BAZ2B: variants seen among roughly 807,000 people sequenced by gnomAD.
BAZ2B encodes bromodomain adjacent to zinc finger domain 2B.
BAZ2B carries 91 observed loss-of-function variants against 246.0 expected under a neutral mutation model. The observed-to-expected ratio is 0.37, with a 90% CI of 0.31 to 0.44. BAZ2B has a LOEUF of 0.44. Among genes scored for constraint, BAZ2B ranks in the 20% least tolerant of loss-of-function variants. BAZ2B has a pLI of 1.00. For missense variants in BAZ2B, 2,332 were observed against 2,533.7 expected (o/e 0.92, Z 1.71); for synonymous variants, 855 against 860.0 (o/e 0.99, Z 0.10).
intron 2 of BAZ2B, among the ~76,000 whole-genome samples, chr2:159,533,087 G>A (rs950153885): frequency 6.6e-6 from 1 of 152,158 alleles, no homozygotes; most frequent in Non-Finnish European, 1.5e-5. Flanking sequence ...GACCTGATAG[G>A]GTGGTGGTGG....
chr2:159,637,047 G>T, the BAZ2B span, among the ~76,000 whole-genome samples: 140,500 of 152,162 alleles, frequency 0.92, 65,365 homozygotes, highest in East Asian at 1. Context: ...CAGCAATACC[G>T]GGGGAGTACA....
the BAZ2B span, among the ~76,000 whole-genome samples, chr2:159,679,287 A>C: frequency 1.4e-4 from 19 of 139,966 alleles, 1 homozygote; most frequent in East Asian, 2.1e-4. Context: ...AAAAAAAAAA[A>C]AAAAAAAGAT....
At chr2:159,539,957 T>C (rs1416825720) in intron 2 of BAZ2B, among the ~76,000 whole-genome samples, 1 of 152,140 alleles carries the variant, frequency 6.6e-6, no homozygotes, top group Non-Finnish European at 1.5e-5. Flanking sequence ...TCCCTGACTG[T>C]TATATGTATG....
chr2:159,460,508 T>C (rs1328083564), intron 3 of BAZ2B: 1 of 152,162 alleles, frequency 6.6e-6, no homozygotes, highest in Non-Finnish European at 1.5e-5. Context: ...ATATCATGTC[T>C]TCAAATTTTG....
the BAZ2B span, among the ~76,000 whole-genome samples, chr2:159,704,485 T>TC: frequency 1.4e-5 from 2 of 146,710 alleles, no homozygotes; most frequent in African/African-American, 5.0e-5. Context: ...TCTTTTTCTT[T>TC]TTTTTTTTTT....
At chr2:159,368,326 T>C (rs1559134115) in intron 27 of BAZ2B, among the ~76,000 whole-genome samples, 2 of 152,180 alleles carry the variant, frequency 1.3e-5, no homozygotes, top group Non-Finnish European at 2.9e-5. Context: ...GTGCTAGGAT[T>C]ACAGGCATGA....
At chr2:159,488,309 G>A (rs1349959384) in intron 2 of BAZ2B, among the ~76,000 whole-genome samples, 1 of 152,100 alleles carries the variant, frequency 6.6e-6, no homozygotes, top group Non-Finnish European at 1.5e-5. Context: ...CTGACCTTAA[G>A]TGATCCACCC....
intron 16 of BAZ2B, among the ~76,000 whole-genome samples, chr2:159,401,085 T>TC (rs2064985605): frequency 6.6e-6 from 1 of 151,878 alleles, no homozygotes; most frequent in Non-Finnish European, 1.5e-5. Context: ...AGGATGGACA[T>TC]AAAAATTTCA....
chr2:159,347,941 C>T (rs2058116048), intron 30 of BAZ2B, among the ~76,000 whole-genome samples: 1 of 152,178 alleles, frequency 6.6e-6, no homozygotes. Flanking sequence ...TATCATTTCT[C>T]TCTTGATATC....
At chr2:159,524,472 A>C (rs2084512630) in intron 2 of BAZ2B, among the ~76,000 whole-genome samples, 1 of 152,032 alleles carries the variant, frequency 6.6e-6, no homozygotes, top group Non-Finnish European at 1.5e-5. Context: ...AACAACAAAC[A>C]AACCCAGAAT....
intron 3 of BAZ2B, among the ~76,000 whole-genome samples, chr2:159,472,318 T>G (rs1443293111): frequency 6.6e-6 from 1 of 152,274 alleles, no homozygotes; most frequent in Non-Finnish European, 1.5e-5. Context: ...TCCTGAGACT[T>G]TGCTGAAGAT....
At chr2:159,505,373 G>A (rs2082223660) in intron 2 of BAZ2B, among the ~76,000 whole-genome samples, 1 of 152,110 alleles carries the variant, frequency 6.6e-6, no homozygotes, top group South Asian at 2.1e-4. Flanking sequence ...CTGTGACAAG[G>A]CCCATCTCCA....
chr2:159,571,139 CCA>C (rs1376175883), intron 1 of BAZ2B, among the ~76,000 whole-genome samples: 1 of 152,168 alleles, frequency 6.6e-6, no homozygotes, highest in Non-Finnish European at 1.5e-5. Context: ...TAGGCACGAG[CCA>C]CCACGCTCAG....
rs1351123031 is a variant in BAZ2B at position 159,600,100 on chromosome 2, A to G, written c.-46+16142T>C. Among the ~76,000 whole-genome samples, 4 of 152,164 alleles carry G rather than the reference A, an allele frequency of 2.6e-5. No individual in the cohort carries two copies. The East Asian group carries it at 7.7e-4, about 29-fold the overall frequency. ...TTAAATGTCCTAGCTCAGATTCCTT[A>G]GAAAAAGTTCAAAAGTTAATTTTGT... On this transcript the variant is annotated intron_variant, in intron 1 of 36. Coordinates refer to ENST00000392783, the MANE Select transcript of BAZ2B (RefSeq NM_013450.4).
the BAZ2B span, among the ~76,000 whole-genome samples, chr2:159,690,620 G>A: frequency 1.3e-4 from 20 of 152,152 alleles, no homozygotes; most frequent in South Asian, 8.3e-4. Flanking sequence ...GCAGAAGTCC[G>A]CACACTGTAT....
chr2:159,567,831 G>A (rs1683011051), intron 1 of BAZ2B, among the ~76,000 whole-genome samples: 1 of 152,124 alleles, frequency 6.6e-6, no homozygotes, highest in Admixed American at 6.5e-5. Flanking sequence ...AATTAGCTGG[G>A]CATGGTGGCA....
At chr2:159,526,739 G>A (rs1437940499) in intron 2 of BAZ2B, among the ~76,000 whole-genome samples, 1 of 152,048 alleles carries the variant, frequency 6.6e-6, no homozygotes, top group Non-Finnish European at 1.5e-5. Flanking sequence ...TCTAGAGAAG[G>A]CAGAAATGAA....
At chr2:159,541,310 G>A (rs1043908525) in intron 2 of BAZ2B, among the ~76,000 whole-genome samples, 1 of 151,188 alleles carries the variant, frequency 6.6e-6, no homozygotes, top group Non-Finnish European at 1.5e-5. Flanking sequence ...ATGGAGTCTC[G>A]CTCCGTTGCC....
the BAZ2B span, among the ~76,000 whole-genome samples, chr2:159,705,366 A>G: frequency 3.9e-5 from 6 of 152,200 alleles, no homozygotes; most frequent in Admixed American, 2.0e-4. Context: ...ACAGAAAAAC[A>G]TAACAGTAAT....
Sources: allele counts gnomAD v4.1 joint callset (sites outside exome capture counted in the v4.1 genomes callset), GRCh38; gene constraint gnomAD v4.1.1; transcripts MANE v1.5; gene names NCBI Gene and HGNC (gene_info 2026-07-23, HGNC 2026-07-21).